Variants in TBXAS1 observed in about 807,000 individuals in gnomAD.
The protein encoded by TBXAS1 is thromboxane A synthase 1.
In TBXAS1, 48 loss-of-function variants were observed where a neutral mutation model predicts 60.7. That is an observed-to-expected ratio of 0.79 (90% CI 0.63 to 1.01). The LOEUF is 1.01. Among genes scored for constraint, TBXAS1 ranks in the 50% least tolerant of loss-of-function variants. TBXAS1 has a pLI of 0.00. For missense variants in TBXAS1, 685 were observed against 686.3 expected (o/e 1.00, Z 0.02); for synonymous variants, 287 against 269.7 (o/e 1.06, Z -0.63).
At chr7:139,828,984 C>T (rs1314340148), upstream of TBXAS1, among the ~76,000 whole-genome samples, 1 of 151,936 alleles carries the variant, frequency 6.6e-6, no homozygotes, top group Non-Finnish European at 1.5e-5. Context: ...TAGATATAGA[C>T]ATAGAGATAG....
At chr7:139,902,049 T>C (rs991912507) in intron 3 of TBXAS1, among the ~76,000 whole-genome samples, 1 of 136,598 alleles carries the variant, frequency 7.3e-6, no homozygotes, top group Non-Finnish European at 1.6e-5. Flanking sequence ...TGCGTGACTA[T>C]AGTACGTTAT....
chr7:139,953,510 G>C, intron 6 of TBXAS1, 54 bp downstream of exon 6: 1 of 1,529,446 alleles, frequency 6.5e-7, no homozygotes, highest in Admixed American at 1.7e-5. Flanking sequence ...ACTGCTTCTT[G>C]TAACTGTCCA....
intron 4 of TBXAS1, among the ~76,000 whole-genome samples, chr7:139,796,326 A>G (rs1797571062): frequency 6.6e-6 from 1 of 152,236 alleles, no homozygotes; most frequent in Non-Finnish European, 1.5e-5. Flanking sequence ...TAAGCTATCA[A>G]GCCACAGAAA....
intron 8 of TBXAS1, among the ~76,000 whole-genome samples, chr7:139,960,160 C>A (rs537315204): frequency 1.1e-4 from 17 of 152,276 alleles, no homozygotes; most frequent in African/African-American, 3.1e-4. Flanking sequence ...GTCTGTGGCA[C>A]CCATAGTCTT....
At chr7:139,925,756 T>C (rs982941772) in intron 4 of TBXAS1, among the ~76,000 whole-genome samples, 2 of 152,238 alleles carry the variant, frequency 1.3e-5, no homozygotes, top group Non-Finnish European at 2.9e-5. Flanking sequence ...TTTTTCCCCA[T>C]TCAGTATGAT....
chr7:140,007,088 C>A lies in TBXAS1; in HGVS notation c.1135-3C>A. On this transcript the variant is annotated splice_polypyrimidine_tract_variant and splice_region_variant and intron_variant, in intron 9 of 12. Transcript: ENST00000448866. ...TCTCCCTTTGTCACGACCCCTCCAT[C>A]AGATGGCCCCTGAGTTCTGCAGCCT... 1 of 1,614,032 alleles carries A rather than the reference C, an allele frequency of 6.2e-7. No individual in the cohort carries two copies. Among genetic ancestry groups the A allele is most frequent in the Non-Finnish European group, 8.5e-7 (1 of 1,179,864 alleles).
In TBXAS1 at chr7:139,975,040, T is replaced by C; in HGVS notation, c.1134+12807T>C. Among the ~76,000 whole-genome samples the C allele has an allele frequency of 6.6e-6, 1 of 152,224 alleles. No individual in the cohort carries two copies. Among genetic ancestry groups the C allele is most frequent in the East Asian group, 1.9e-4 (1 of 5,198 alleles). On this transcript the variant is annotated intron_variant, in intron 9 of 12. Transcript: ENST00000448866. The surrounding 1 kb of genome is among the most constrained non-coding windows in gnomAD (Gnocchi z 4.4). ...CAAGTGTGAAGTCTGCAGGGCAGGC[T>C]GGCAGTTTGGACAACCAGGCAGGAG...
At chr7:139,818,820 T>G (rs77943929) in intron 4 of TBXAS1, among the ~76,000 whole-genome samples, 70 of 152,148 alleles carry the variant, frequency 4.6e-4, no homozygotes, top group Non-Finnish European at 8.2e-4. Flanking sequence ...AATGGCTTCA[T>G]GGAGCTGGGG....
rs1279148852 is a variant in TBXAS1 at position 139,955,462 on chromosome 7, C to T, written c.543C>T (p.Cys181=). The part of the protein sequence containing the change: ...ESGDAFDIQR[C]YCNYTTDVVA... The stretch of plus-strand genomic sequence containing the variant: ...TCTGTGCTCCCATCTCCCGTAGGTG[C>T]TACTGCAATTACACCACAGATGTGG... Residue 181 remains cysteine, a synonymous_variant, in exon 7 of 13, where the codon TGC becomes TGT. Coordinates refer to ENST00000448866, the MANE Select transcript of TBXAS1 (RefSeq NM_001061.7). 1 of 1,614,200 alleles carries T rather than the reference C, an allele frequency of 6.2e-7. No homozygotes were observed. Among genetic ancestry groups the T allele is most frequent in the South Asian group, 1.1e-5 (1 of 91,082 alleles).
At chr7:139,953,525 T>G in intron 6 of TBXAS1, 69 bp downstream of exon 6, 2 of 1,446,302 alleles carry the variant, frequency 1.4e-6, no homozygotes, top group South Asian at 2.3e-5. Flanking sequence ...TGTCCATAAT[T>G]GCTGACAATT....
intron 1 of TBXAS1, among the ~76,000 whole-genome samples, chr7:139,854,893 T>C (rs1800476267): frequency 6.6e-6 from 1 of 152,232 alleles, no homozygotes; most frequent in African/African-American, 2.4e-5. Flanking sequence ...TTCATTTTTG[T>C]ATGATATCTA....
intron 10 of TBXAS1, 106 bp downstream of exon 10, chr7:140,007,288 T>A (rs1814163942): frequency 1.9e-6 from 2 of 1,040,782 alleles, no homozygotes; most frequent in African/African-American, 3.1e-5. Context: ...CTTGTGTTTC[T>A]GGAGGGCAAC....
At chr7:139,981,307 G>C (rs1160608011) in intron 9 of TBXAS1, among the ~76,000 whole-genome samples, 1 of 152,128 alleles carries the variant, frequency 6.6e-6, no homozygotes, top group African/African-American at 2.4e-5. Context: ...GTACAGACTG[G>C]GTTTCACCAT....
In TBXAS1 at chr7:139,951,931, G is replaced by GAGAAAGAA. The variant is rs1809369513; in HGVS notation, c.451-1436_451-1429dup. Among the ~76,000 whole-genome samples the GAGAAAGAA allele has an allele frequency of 2.2e-4, 13 of 57,936 alleles. 1 individual carries two copies. In the Admixed American group the frequency reaches 2.3e-3, roughly 10 times the overall value. The allele number at this position is 57,936 out of a possible 152,430, so 38.0% of individuals were successfully genotyped here. ...AGAGAAAGAAAGAGAGAAAGAAAGAGAGAAAGAAGGAAAGAAAGAAAAGAA... is the reference window on the plus strand; with the variant it reads ...AGAGAAAGAAAGAGAGAAAGAAAGAGAGAAAGAAAGAAAGAAGGAAAGAAAGAAAAGAA... On this transcript the variant is annotated intron_variant, in intron 5 of 12. Transcript: ENST00000448866.
At chr7:139,925,629 G>A (rs537680798) in intron 4 of TBXAS1, among the ~76,000 whole-genome samples, 2 of 152,164 alleles carry the variant, frequency 1.3e-5, no homozygotes, top group South Asian at 2.1e-4. Flanking sequence ...ATTTGGATAC[G>A]TTTATTTCAT....
intron 4 of TBXAS1, among the ~76,000 whole-genome samples, 161 bp downstream of exon 4, chr7:139,911,482 T>C (rs1190910592): frequency 6.6e-6 from 1 of 152,134 alleles, no homozygotes; most frequent in Non-Finnish European, 1.5e-5. Flanking sequence ...TCAAAAGAGA[T>C]CTATGGGACT....
chr7:139,828,265 A>T (rs1798502614), upstream of TBXAS1, among the ~76,000 whole-genome samples: 7 of 152,012 alleles, frequency 4.6e-5, no homozygotes, highest in South Asian at 1.5e-3. Context: ...TACTTGTTCA[A>T]TTCTATTGCT....
At chr7:139,821,871 C>T (rs1206981603) in intron 4 of TBXAS1, among the ~76,000 whole-genome samples, 1 of 152,206 alleles carries the variant, frequency 6.6e-6, no homozygotes, top group African/African-American at 2.4e-5. Context: ...GCCGTAATGA[C>T]CACATTGCCA....
At chr7:139,929,192 T>A (rs1268873016) in intron 4 of TBXAS1, among the ~76,000 whole-genome samples, 1 of 152,236 alleles carries the variant, frequency 6.6e-6, no homozygotes, top group East Asian at 1.9e-4. Context: ...AATTTTCTTT[T>A]TAATTCTCAG....
Sources: allele counts gnomAD v4.1 joint callset (sites outside exome capture counted in the v4.1 genomes callset), GRCh38; gene constraint gnomAD v4.1.1; non-coding constraint Gnocchi (gnomAD v3.1); transcripts MANE v1.5; gene names NCBI Gene and HGNC (gene_info 2026-07-23, HGNC 2026-07-21).